Variants in ATRX observed in about 807,000 individuals in gnomAD.
The protein encoded by ATRX is ATRX chromatin remodeler.
A neutral mutation model predicts 172.6 loss-of-function variants in ATRX; 12 were observed. The observed-to-expected ratio is 0.07, with a 90% CI of 0.04 to 0.11. The LOEUF (loss-of-function observed/expected upper bound fraction) is 0.11. Among genes scored for constraint, ATRX ranks in the 10% least tolerant of loss-of-function variants. ATRX has a pLI of 1.00. For synonymous variants in ATRX, 674 were observed against 594.7 expected (o/e 1.13, Z -1.94); for missense variants, 1,368 against 1,767.4 (o/e 0.77, Z 4.05).
Position 77,618,786 on chromosome X carries a change from A to G in ATRX, c.5448+20T>C. 1 of 1,180,740 alleles carries G rather than the reference A, an allele frequency of 8.5e-7. No homozygotes were observed. The highest frequency in any genetic ancestry group is 1.7e-5 in the African/African-American group (1 of 57,238). On this transcript the variant is annotated intron_variant, in intron 21 of 34. Transcript: ENST00000373344. The stretch of plus-strand genomic sequence containing the variant: ...TATAAAAAAGTAAGAATATTTTATT[A>G]CTATGGAACATATTTGTACCTGAAC...
intron 30 of ATRX, among the ~76,000 whole-genome samples, chrX:77,534,610 T>C (rs1557047763): frequency 8.9e-6 from 1 of 111,850 alleles, no homozygotes; most frequent in Non-Finnish European, 1.9e-5. Flanking sequence ...CATCCAAATG[T>C]GTACCTTTAC....
Position 77,759,550 on chromosome X carries a change from C to A in ATRX, c.20+26432G>T, listed in dbSNP as rs952232845. Among the ~76,000 whole-genome samples, 27 of 109,670 alleles carry A rather than the reference C, an allele frequency of 2.5e-4. 1 individual carries two copies. Among genetic ancestry groups the A allele is most frequent in the African/African-American group, 8.9e-4 (27 of 30,216 alleles). ...CCAACACAGAGAAACCCCGTCTCTACTAAAAATACAAAAATTAGCCAAGTG... is the reference window on the plus strand; with the variant it reads ...CCAACACAGAGAAACCCCGTCTCTAATAAAAATACAAAAATTAGCCAAGTG... On this transcript the variant is annotated intron_variant, in intron 1 of 34. Transcript: ENST00000373344.
intron 22 of ATRX, among the ~76,000 whole-genome samples, chrX:77,607,708 C>CAAA (rs35946932): frequency 5.0e-3 from 203 of 40,860 alleles, no homozygotes; most frequent in Non-Finnish European, 6.1e-3. Context: ...GACTCTGTCT[C>CAAA]AAAAAAAAAA....
chrX:77,656,852 G>A (rs916160082), intron 12 of ATRX, among the ~76,000 whole-genome samples, 199 bp from the exon 13 acceptor site: 5 of 111,630 alleles, frequency 4.5e-5, no homozygotes, highest in Non-Finnish European at 9.4e-5. Context: ...TATTTCTAAT[G>A]TAATTATAAA....
At chrX:77,551,539 A>T (rs2064515490) in intron 30 of ATRX, among the ~76,000 whole-genome samples, 1 of 112,173 alleles carries the variant, frequency 8.9e-6, no homozygotes, top group Non-Finnish European at 1.9e-5. Flanking sequence ...AGGCAATACC[A>T]TTCAGGAAAT....
intron 22 of ATRX, among the ~76,000 whole-genome samples, chrX:77,601,048 T>C (rs1321693530): frequency 4.3e-4 from 48 of 111,377 alleles, no homozygotes; most frequent in African/African-American, 1.6e-3. Flanking sequence ...TTTTTTCTTA[T>C]CCAGGTACAT....
At chrX:77,575,126 C>T (rs1004375205) in intron 27 of ATRX, among the ~76,000 whole-genome samples, 1 of 110,500 alleles carries the variant, frequency 9.0e-6, no homozygotes, top group South Asian at 3.7e-4. Context: ...AAACACAATG[C>T]TACTATTTCC....
In ATRX at chrX:77,652,497, T is replaced by TA. The variant is rs368160215; in HGVS notation, c.4318-145dup. On this transcript the variant is annotated intron_variant, in intron 14 of 34. Coordinates refer to ENST00000373344, the MANE Select transcript of ATRX (RefSeq NM_000489.6). ...ATTATATTCAGCAATAGAGTAGTATTAAAAAAAAAAAAACAACTCTTCGGC... is the reference window on the plus strand; with the variant it reads ...ATTATATTCAGCAATAGAGTAGTATTAAAAAAAAAAAAAACAACTCTTCGGC... 0.07 allele frequency: 24,200 copies of TA among 345,951 alleles called. 10 individuals carry two copies. Among genetic ancestry groups the TA allele is most frequent in the Middle Eastern group, 0.087 (89 of 1,027 alleles). 28.5% of individuals were successfully genotyped at this position (345,951 alleles called of 1,213,427 possible). A position where few individuals can be genotyped will look rare whatever the true frequency, so the allele number is the denominator to read the frequency against.
chrX:77,705,520 C>T (rs183766494), intron 2 of ATRX, among the ~76,000 whole-genome samples: 1 of 112,347 alleles, frequency 8.9e-6, no homozygotes, highest in East Asian at 2.8e-4. Flanking sequence ...TCTACAGACA[C>T]GCTGCAATCT....
chrX:77,553,905 T>G (rs1156870733), intron 30 of ATRX, among the ~76,000 whole-genome samples: 2 of 112,106 alleles, frequency 1.8e-5, no homozygotes, highest in Non-Finnish European at 3.8e-5. Flanking sequence ...AACAGAATCC[T>G]AGACTTATTT....
At chrX:77,726,538 G>T (rs2074048182) in intron 1 of ATRX, among the ~76,000 whole-genome samples, 1 of 109,156 alleles carries the variant, frequency 9.2e-6, no homozygotes, top group South Asian at 4.1e-4. Context: ...CGAGTTAATG[G>T]GTGCAGCACA....
intron 7 of ATRX, 139 bp downstream of exon 7, chrX:77,688,679 C>A: frequency 2.0e-6 from 1 of 510,930 alleles, no homozygotes; most frequent in Non-Finnish European, 3.4e-6. Flanking sequence ...CTTTGTACGT[C>A]TATTTTCCCC....
chrX:77,521,147 T>C, intron 33 of ATRX: 1 of 434,900 alleles, frequency 2.3e-6, no homozygotes. Context: ...CAACTGGTAA[T>C]TAAAATGTTT....
At chrX:77,774,391 G>GT (rs782578670) in intron 1 of ATRX, among the ~76,000 whole-genome samples, 14 of 111,457 alleles carry the variant, frequency 1.3e-4, no homozygotes, top group Non-Finnish European at 2.4e-4. Context: ...AAATGGTATT[G>GT]TATCGGCCGG....
intron 30 of ATRX, among the ~76,000 whole-genome samples, chrX:77,546,497 A>C (rs1243608156): frequency 9.7e-6 from 1 of 103,435 alleles, no homozygotes; most frequent in Non-Finnish European, 2.0e-5. Flanking sequence ...AGGAATCTGC[A>C]TTTTTTTTTT....
At chrX:77,745,173 G>GAAAAAAAA (rs1247509964) in intron 1 of ATRX, among the ~76,000 whole-genome samples, 5 of 27,403 alleles carry the variant, frequency 1.8e-4, no homozygotes, top group African/African-American at 6.0e-4. Context: ...TCTCAAAAAT[G>GAAAAAAAA]AAAAAAAAAA....
intron 23 of ATRX, 85 bp downstream of exon 23, chrX:77,600,349 T>C (rs1352809653): frequency 1.9e-6 from 2 of 1,074,872 alleles, no homozygotes; most frequent in African/African-American, 3.7e-5. Flanking sequence ...AATAGAAAAT[T>C]TGAATATACA....
At chrX:77,606,024 T>C (rs1033809574) in intron 22 of ATRX, among the ~76,000 whole-genome samples, 3 of 111,086 alleles carry the variant, frequency 2.7e-5, no homozygotes, top group Non-Finnish European at 5.7e-5. Context: ...CCTAGACACA[T>C]GCAATCTACT....
intron 1 of ATRX, among the ~76,000 whole-genome samples, chrX:77,726,635 C>T (rs2074056104): frequency 9.0e-6 from 1 of 111,680 alleles, no homozygotes; most frequent in Non-Finnish European, 1.9e-5. Flanking sequence ...AAAAAAATCT[C>T]CATTAGAGAA....
Sources: gnomAD v4.1 joint callset for allele counts (sites outside exome capture counted in the v4.1 genomes callset) on GRCh38, gnomAD v4.1.1 for gene constraint, MANE v1.5 for transcripts, NCBI Gene and HGNC (gene_info 2026-07-23, HGNC 2026-07-21) for gene names.